ACOXL: variants seen among roughly 807,000 people sequenced by gnomAD.
ACOXL encodes acyl-CoA oxidase like.
Under a neutral mutation model 71.9 loss-of-function variants are expected in ACOXL, and 70 were observed. That is an observed-to-expected ratio of 0.97 (90% CI 0.80 to 1.19). The LOEUF (loss-of-function observed/expected upper bound fraction) is 1.19, where lower values mean the gene tolerates loss of function less well. ACOXL is among the 50% of genes most tolerant of loss of function. The probability of loss-of-function intolerance (pLI) is 0.00; values close to 1 mark genes in which losing one functional copy is unlikely to be tolerated. For synonymous variants in ACOXL, 253 were observed against 281.6 expected, an observed-to-expected ratio of 0.90 and a Z score of 1.02; for missense variants, 703 against 736.3, an observed-to-expected ratio of 0.95 and a Z score of 0.52.
intron 9 of ACOXL, among the ~76,000 whole-genome samples, chr2:110,829,200 C>T (rs979604632): frequency 9.9e-5 from 15 of 152,276 alleles, no homozygotes; most frequent in African/African-American, 2.4e-4. Context: ...TTCGTTGTTT[C>T]GTGACTTTTC....
intron 9 of ACOXL, 57 bp downstream of exon 9, chr2:110,805,452 G>A (rs1686521759): frequency 3.1e-6 from 5 of 1,606,156 alleles, no homozygotes; most frequent in Non-Finnish European, 4.3e-6. Flanking sequence ...ACGACTCAGG[G>A]ATGAGTAACA....
At chr2:110,909,359 A>G (rs565266437) in intron 11 of ACOXL, among the ~76,000 whole-genome samples, 336 of 152,254 alleles carry the variant, frequency 2.2e-3, no homozygotes, top group African/African-American at 7.9e-3. Flanking sequence ...AACGTGTACC[A>G]TAAGTACACC....
chr2:110,769,708 G>A (rs1280033358), intron 2 of ACOXL, among the ~76,000 whole-genome samples: 3 of 151,978 alleles, frequency 2.0e-5, no homozygotes, highest in East Asian at 3.9e-4. Context: ...GGTGGTGCAC[G>A]CCTGTAGTCC....
At chr2:110,827,493 G>A (rs946657863) in intron 9 of ACOXL, among the ~76,000 whole-genome samples, 2 of 152,224 alleles carry the variant, frequency 1.3e-5, no homozygotes, top group Non-Finnish European at 2.9e-5. Context: ...GGAAGGGGCA[G>A]GTGAGGTGGC....
At chr2:110,810,997 C>T (rs1375382538) in intron 9 of ACOXL, among the ~76,000 whole-genome samples, 2 of 152,152 alleles carry the variant, frequency 1.3e-5, no homozygotes, top group Admixed American at 6.5e-5. Context: ...ATGAGACTCA[C>T]CCACTATCAC....
intron 11 of ACOXL, among the ~76,000 whole-genome samples, chr2:110,931,208 A>C (rs1413211459): frequency 6.6e-6 from 1 of 152,186 alleles, no homozygotes; most frequent in Non-Finnish European, 1.5e-5. Flanking sequence ...GGTTAAACAA[A>C]TGTAAGGGTA....
In ACOXL at chr2:111,063,240, T is replaced by G. The variant is rs148480018; in HGVS notation, c.1440+13952T>G. The stretch of plus-strand genomic sequence containing the variant: ...CAGTTCTTCACAATATTTTCCATAA[T>G]GTAGAAGAAGAGAGAACTTTTACCA... On this transcript the variant is annotated intron_variant, in intron 16 of 17. Transcript: ENST00000439055. Among the ~76,000 whole-genome samples the G allele has an allele frequency of 2.6e-5, 4 of 152,312 alleles. No individual in the cohort carries two copies. The East Asian group carries it at 7.7e-4, about 29-fold the overall frequency.
intron 10 of ACOXL, among the ~76,000 whole-genome samples, chr2:110,868,493 G>C (rs1160484882): frequency 6.6e-6 from 1 of 152,152 alleles, no homozygotes; most frequent in Non-Finnish European, 1.5e-5. Flanking sequence ...GAATCTATTG[G>C]TTTTCAGATC....
At chr2:110,754,048 G>T (rs1482646960) in intron 1 of ACOXL, among the ~76,000 whole-genome samples, 1 of 149,506 alleles carries the variant, frequency 6.7e-6, no homozygotes, top group African/African-American at 2.5e-5. Flanking sequence ...GTGTGTGTGT[G>T]TGTGTGTGTG....
intron 16 of ACOXL, among the ~76,000 whole-genome samples, chr2:111,079,384 T>C (rs965349084): frequency 2.6e-5 from 4 of 152,176 alleles, no homozygotes; most frequent in Admixed American, 6.5e-5. Flanking sequence ...TTCAAAGTCT[T>C]TTGTATGCTA....
At chr2:111,025,257 G>A (rs35816855) in intron 14 of ACOXL, among the ~76,000 whole-genome samples, 22,241 of 152,158 alleles carry the variant, frequency 0.15, 1,732 homozygotes, top group Middle Eastern at 0.23. Flanking sequence ...ACTGCTTCCC[G>A]TGTTGGCTAT....
intron 15 of ACOXL, among the ~76,000 whole-genome samples, chr2:111,036,282 C>G (rs1420806265): frequency 6.6e-6 from 1 of 152,134 alleles, no homozygotes; most frequent in Non-Finnish European, 1.5e-5. Flanking sequence ...GCTGGTGTGT[C>G]TAACTTTAGA....
chr2:110,788,468 CAA>C (rs1684256299), intron 3 of ACOXL, among the ~76,000 whole-genome samples: 1 of 151,766 alleles, frequency 6.6e-6, no homozygotes, highest in African/African-American at 2.4e-5. Context: ...TTAGAGGTAA[CAA>C]GAGGTTGGAG....
intron 10 of ACOXL, among the ~76,000 whole-genome samples, chr2:110,852,508 T>G (rs775561356): frequency 6.6e-6 from 1 of 152,244 alleles, no homozygotes; most frequent in Non-Finnish European, 1.5e-5. Flanking sequence ...CAGAGAGTTC[T>G]AAATCTGCCT....
At chr2:110,998,758 A>G (rs530017477) in intron 14 of ACOXL, among the ~76,000 whole-genome samples, 46 of 152,324 alleles carry the variant, frequency 3.0e-4, no homozygotes, top group African/African-American at 9.9e-4. Flanking sequence ...AGAGCCTTAA[A>G]TCCCTCCAGC....
At chr2:110,910,059 T>C (rs926892107) in intron 11 of ACOXL, among the ~76,000 whole-genome samples, 1 of 152,140 alleles carries the variant, frequency 6.6e-6, no homozygotes, top group Non-Finnish European at 1.5e-5. Context: ...GCACATATAC[T>C]CTTCTCGTGT....
intron 12 of ACOXL, among the ~76,000 whole-genome samples, chr2:110,952,578 C>T (rs1213462230): frequency 6.6e-6 from 1 of 152,136 alleles, no homozygotes; most frequent in Non-Finnish European, 1.5e-5. Flanking sequence ...AGTAGCGTAG[C>T]TGGTATTACA....
rs71383892 is a variant in ACOXL, at chr2:110,950,810, G to GGAGAGAGAGAGAGAGAGAGA, written c.1059+17174_1059+17193dup. Among the ~76,000 whole-genome samples the GGAGAGAGAGAGAGAGAGAGA allele has an allele frequency of 1.4e-3, 197 of 142,856 alleles. 1 individual carries two copies. The highest frequency in any genetic ancestry group is 5.6e-3 in the East Asian group (24 of 4,288). 93.7% of individuals were successfully genotyped at this position (142,856 alleles called of 152,430 possible). A position where few individuals can be genotyped will look rare whatever the true frequency, so the allele number is the denominator to read the frequency against. Reference sequence around the variant, plus strand: ...ATCTTAAGGAGGAAGGGTGGGGGGTGGAGAGAGAGAGAGAGAGAGAGAGAG... The same window carrying GGAGAGAGAGAGAGAGAGAGA: ...ATCTTAAGGAGGAAGGGTGGGGGGTGGAGAGAGAGAGAGAGAGAGAGAGAGAGAGAGAGAGAGAGAGAGAG... On this transcript the variant is annotated intron_variant, in intron 12 of 17. Coordinates refer to ENST00000439055, the MANE Select transcript of ACOXL (RefSeq NM_001142807.4).
At chr2:111,043,127 A>G (rs901834958) in intron 15 of ACOXL, among the ~76,000 whole-genome samples, 1 of 152,196 alleles carries the variant, frequency 6.6e-6, no homozygotes, top group Non-Finnish European at 1.5e-5. Context: ...GGAGGGCCAC[A>G]TGTGTCATGC....
Sources: gnomAD v4.1 joint callset for allele counts (sites outside exome capture counted in the v4.1 genomes callset) on GRCh38, gnomAD v4.1.1 for gene constraint, MANE v1.5 for transcripts, NCBI Gene and HGNC (gene_info 2026-07-23, HGNC 2026-07-21) for gene names.